The following FZD9 variants were observed in gnomAD, a reference collection of about 807,000 sequenced individuals.
The protein encoded by FZD9 is frizzled-9.
A neutral mutation model predicts 29.9 loss-of-function variants in FZD9; 29 were observed. That is an observed-to-expected ratio of 0.97 (90% CI 0.72 to 1.32). The LOEUF (loss-of-function observed/expected upper bound fraction) is 1.32. Among genes scored for constraint, FZD9 ranks in the 40% most tolerant of loss-of-function variants. FZD9 has a pLI of 0.00. For synonymous variants in FZD9, 384 were observed against 393.9 expected, an observed-to-expected ratio of 0.97 and a Z score of 0.30; for missense variants, 822 against 857.8, an observed-to-expected ratio of 0.96 and a Z score of 0.52.
Position 73,434,775 on chromosome 7 carries a change from G to A in FZD9, c.768G>A (p.Glu256=). ...TAFTVLTFLL[E]PHRFQYPERP... ...TCACTGTGCTCACCTTCTTGCTGGA[G>A]CCCCACCGCTTCCAGTACCCCGAGC... The change falls in exon 1 of 1, where the codon GAG becomes GAA. Residue 256 remains glutamate (E), a synonymous_variant. Transcript: ENST00000344575. The A allele has an allele frequency of 6.2e-7, 1 of 1,612,426 alleles. No individual in the cohort carries two copies. Among genetic ancestry groups the A allele is most frequent in the Non-Finnish European group, 8.5e-7 (1 of 1,179,974 alleles).
chr7:73,435,653 G>A lies in FZD9; in HGVS notation c.1646G>A (p.Arg549Gln). The A allele has an allele frequency of 6.2e-7, 1 of 1,613,096 alleles. No individual in the cohort carries two copies. The highest frequency in any genetic ancestry group is 8.5e-7 in the Non-Finnish European group (1 of 1,179,850). The change falls in exon 1 of 1, where the codon CGG becomes CAG. Residue 549 changes from arginine (R) to glutamine (Q), a missense_variant. Physicochemically the swap from Arg to Gln is conservative, Grantham distance 43. Coordinates refer to ENST00000344575, the MANE Select transcript of FZD9 (RefSeq NM_003508.3). ...TGCTACCGCAAGATAGCAGCTGGCC[G>A]GGCCCGGGCCAAGGCCTGCCGCGCC... ...SLCYRKIAAGRARAKACRAPG... is the reference protein window; with the variant it reads ...SLCYRKIAAGQARAKACRAPG...
chr7:73,435,129 G>C lies in FZD9; in HGVS notation c.1122G>C (p.Leu374=). The C allele has an allele frequency of 6.2e-7, 1 of 1,612,060 alleles. No homozygotes were observed. Among genetic ancestry groups the C allele is most frequent in the Non-Finnish European group, 8.5e-7 (1 of 1,179,398 alleles). Residue 374 remains leucine (L), a synonymous_variant, in exon 1 of 1, where the codon CTG becomes CTC. Transcript: ENST00000344575. The part of the protein sequence containing the change: ...GLPALKTIVI[L]TLRKVAGDEL... ...CCGCGCTCAAGACCATCGTCATCCT[G>C]ACCCTGCGCAAGGTGGCGGGTGATG... is the stretch of plus-strand genomic sequence containing the variant.
rs1554563610 is a variant in FZD9 at position 73,435,486 on chromosome 7, C to T, written c.1479C>T (p.Gly493=). The T allele has an allele frequency of 6.2e-7, 1 of 1,612,870 alleles. No individual in the cohort carries two copies. Among genetic ancestry groups the T allele is most frequent in the East Asian group, 2.2e-5 (1 of 44,878 alleles). ...QPCAAAAGPG[G]RRDCSLPGGS... ...GCGCAGCGGCCGCGGGGCCCGGAGG[C>T]CGGAGGGACTGCTCGCTGCCAGGGG... is the stretch of plus-strand genomic sequence containing the variant. The change falls in exon 1 of 1, where the codon GGC becomes GGT. Residue 493 remains glycine, a synonymous_variant. Transcript: ENST00000344575.
Position 73,433,968 on chromosome 7 carries a change from G to A in FZD9, c.-40G>A. The stretch of plus-strand genomic sequence containing the variant: ...GCGCGGGACCGCTGAGCCCGAGTGA[G>A]CCGGGGCCGCGCTCCCGCCTTCGGC... On this transcript the variant is annotated 5_prime_UTR_variant, in exon 1 of 1. Transcript: ENST00000344575. 8.6e-7 allele frequency: 1 copy of A among 1,167,592 alleles called. No homozygotes were observed. The highest frequency in any genetic ancestry group is 3.9e-5 in the East Asian group (1 of 25,442). The allele number at this position is 1,167,592 out of a possible 1,614,324, so 72.3% of individuals were successfully genotyped here. A position where few individuals can be genotyped will look rare whatever the true frequency, so the allele number is the denominator to read the frequency against.
rs1554563311 is a variant in FZD9 at position 73,434,489 on chromosome 7, C to A, written c.482C>A (p.Ala161Asp). ...LCMEAPENAT[A>D]GPAEPHKGLG... ...ATGGAGGCGCCCGAGAACGCCACGGCCGGCCCCGCGGAGCCCCACAAGGGC... is the reference window on the plus strand; with the variant it reads ...ATGGAGGCGCCCGAGAACGCCACGGACGGCCCCGCGGAGCCCCACAAGGGC... The change falls in exon 1 of 1, where the codon GCC (alanine) becomes GAC (aspartate). Residue 161 changes from alanine to aspartate, a missense_variant. By Grantham distance (126) the Ala-to-Asp change is moderately radical. Transcript: ENST00000344575. 2 of 1,479,946 alleles carry A rather than the reference C, an allele frequency of 1.4e-6. No homozygotes were observed. Among genetic ancestry groups the A allele is most frequent in the Non-Finnish European group, 1.8e-6 (2 of 1,121,766 alleles). The allele number at this position is 1,479,946 out of a possible 1,614,324, so 91.7% of individuals were successfully genotyped here.
In FZD9 at chr7:73,434,167, C is replaced by G. The variant is rs782689397; in HGVS notation, c.160C>G (p.Leu54Val). ...CATGTGCCGCGGCATCGGCTACAACCTGACCCGCATGCCCAACCTGCTGGG... is the reference window on the plus strand; with the variant it reads ...CATGTGCCGCGGCATCGGCTACAACGTGACCCGCATGCCCAACCTGCTGGG... ...IPMCRGIGYN[L>V]TRMPNLLGHT... Residue 54 changes from leucine (L) to valine (V), a missense_variant, in exon 1 of 1, where the codon CTG (leucine) becomes GTG (valine). Physicochemically the swap from Leu to Val is conservative, Grantham distance 32 (BLOSUM62 1). Transcript: ENST00000344575. 6 of 1,571,424 alleles carry G rather than the reference C, an allele frequency of 3.8e-6. No homozygotes were observed. The South Asian group carries it at 5.8e-5, about 15-fold the overall frequency.
Position 73,435,810 on chromosome 7 carries a change from G to A in FZD9, c.*27G>A, listed in dbSNP as rs1554563705. 6.5e-7 allele frequency: 1 copy of A among 1,544,200 alleles called. No individual in the cohort carries two copies. Among genetic ancestry groups the A allele is most frequent in the Non-Finnish European group, 8.7e-7 (1 of 1,143,114 alleles). Reference sequence around the variant, plus strand: ...CACACAGGCCTGGCGCGGGGTGGCTGCTGCCCCCTCCTTGCCCTCCACGCC... The same window carrying A: ...CACACAGGCCTGGCGCGGGGTGGCTACTGCCCCCTCCTTGCCCTCCACGCC... On this transcript the variant is annotated 3_prime_UTR_variant, in exon 1 of 1. Transcript: ENST00000344575.
Position 73,434,169 on chromosome 7 carries a change from G to A in FZD9, c.162G>A (p.Leu54=). Residue 54 remains leucine (L), a synonymous_variant, in exon 1 of 1, where the codon CTG becomes CTA. Coordinates refer to ENST00000344575, the MANE Select transcript of FZD9 (RefSeq NM_003508.3). ...IPMCRGIGYN[L]TRMPNLLGHT... ...TGTGCCGCGGCATCGGCTACAACCT[G>A]ACCCGCATGCCCAACCTGCTGGGCC... is the stretch of plus-strand genomic sequence containing the variant. 6.4e-7 allele frequency: 1 copy of A among 1,571,336 alleles called. No individual in the cohort carries two copies. Among genetic ancestry groups the A allele is most frequent in the Non-Finnish European group, 8.6e-7 (1 of 1,166,004 alleles).
In FZD9 at chr7:73,435,723, C is replaced by T. The variant is rs1554563693; in HGVS notation, c.1716C>T (p.Pro572=). Residue 572 remains proline, a synonymous_variant, in exon 1 of 1, where the codon CCC becomes CCT. Coordinates refer to ENST00000344575, the MANE Select transcript of FZD9 (RefSeq NM_003508.3). ...GRGTHCHYKA[P]TVVLHMTKTD... ...GCACGCACTGCCACTATAAGGCTCC[C>T]ACCGTGGTCTTGCACATGACTAAGA... 6.2e-7 allele frequency: 1 copy of T among 1,611,872 alleles called. No homozygotes were observed. The highest frequency in any genetic ancestry group is 8.5e-7 in the Non-Finnish European group (1 of 1,178,816).
At position 73,435,609 on chromosome 7, in the gene FZD9, C is replaced by A. The variant is rs782795530; in HGVS notation, c.1602C>A (p.Phe534Leu). 2 of 1,613,188 alleles carry A rather than the reference C, an allele frequency of 1.2e-6. No homozygotes were observed. The highest frequency in any genetic ancestry group is 3.3e-5 in the Admixed American group (2 of 60,032). ...TCTGGGTGTGGAGCTCCAAGACTTT[C>A]CAGACCTGGCAGAGCCTGTGCTACC... ...SGVWVWSSKT[F>L]QTWQSLCYRK... is the part of the protein sequence containing the mutation. Residue 534 changes from phenylalanine (F) to leucine (L), a missense_variant, in exon 1 of 1, where the codon TTC becomes TTA. Coordinates refer to ENST00000344575, the MANE Select transcript of FZD9 (RefSeq NM_003508.3).
Position 73,434,821 on chromosome 7 carries a change from A to G in FZD9, c.814A>G (p.Met272Val). The G allele has an allele frequency of 6.2e-7, 1 of 1,613,054 alleles. No individual in the cohort carries two copies. Among genetic ancestry groups the G allele is most frequent in the Non-Finnish European group, 8.5e-7 (1 of 1,179,940 alleles). ...YPERPIIFLS[M>V]CYNVYSLAFL... is the part of the protein sequence containing the mutation. ...CGAGCGCCCCATCATCTTCCTCTCC[A>G]TGTGCTACAACGTCTACTCGCTGGC... The change falls in exon 1 of 1, where the codon ATG (methionine) becomes GTG (valine). Residue 272 changes from methionine (M) to valine (V), a missense_variant. Met to Val is a conservative substitution (Grantham distance 21). Transcript: ENST00000344575.
chr7:73,435,316 A>G lies in FZD9; in HGVS notation c.1309A>G (p.Asn437Asp). The G allele has an allele frequency of 6.2e-7, 1 of 1,613,820 alleles. No individual in the cohort carries two copies. Among genetic ancestry groups the G allele is most frequent in the South Asian group, 1.1e-5 (1 of 91,044 alleles). ...IRKIMKTGGT[N>D]TEKLEKLMVK... ...CAAGATCATGAAGACGGGCGGCACCAACACAGAGAAGCTGGAGAAGCTCAT... is the reference window on the plus strand; with the variant it reads ...CAAGATCATGAAGACGGGCGGCACCGACACAGAGAAGCTGGAGAAGCTCAT... The change falls in exon 1 of 1, where the codon AAC becomes GAC. Residue 437 changes from asparagine to aspartate, a missense_variant. Physicochemically the swap from Asn to Asp is conservative, Grantham distance 23 (BLOSUM62 1). Coordinates refer to ENST00000344575, the MANE Select transcript of FZD9 (RefSeq NM_003508.3).
At position 73,435,966 on chromosome 7, in the gene FZD9, C is replaced by T. The variant is rs1019557484; in HGVS notation, c.*183C>T. ...TCATTAGGGGAGATGGGGGTCTCCC[C>T]TAATGCGGGGGCTGGACCAGGCTGA... On this transcript the variant is annotated 3_prime_UTR_variant, in exon 1 of 1. Transcript: ENST00000344575. The T allele has an allele frequency of 1.9e-5, 14 of 741,486 alleles. No individual in the cohort carries two copies. Among genetic ancestry groups the T allele is most frequent in the Admixed American group, 6.5e-5 (2 of 30,648 alleles). The allele number at this position is 741,486 out of a possible 1,614,324, so 45.9% of individuals were successfully genotyped here.
At position 73,434,505 on chromosome 7, in the gene FZD9, C is replaced by A; in HGVS notation, c.498C>A (p.Pro166=). The change falls in exon 1 of 1, where the codon CCC becomes CCA. Residue 166 remains proline, a synonymous_variant. Coordinates refer to ENST00000344575, the MANE Select transcript of FZD9 (RefSeq NM_003508.3). ...ACGCCACGGCCGGCCCCGCGGAGCCCCACAAGGGCCTGGGCATGCTGCCCG... is the reference window on the plus strand; with the variant it reads ...ACGCCACGGCCGGCCCCGCGGAGCCACACAAGGGCCTGGGCATGCTGCCCG... The part of the protein sequence containing the change: ...PENATAGPAE[P]HKGLGMLPVA... 6.8e-7 allele frequency: 1 copy of A among 1,467,812 alleles called. No individual in the cohort carries two copies. Among genetic ancestry groups the A allele is most frequent in the Admixed American group, 2.5e-5 (1 of 39,344 alleles). The allele number at this position is 1,467,812 out of a possible 1,614,324, so 90.9% of individuals were successfully genotyped here. A position where few individuals can be genotyped will look rare whatever the true frequency, so the allele number is the denominator to read the frequency against.
rs372342933 is a variant in FZD9, at chr7:73,434,424, C to G, written c.417C>G (p.Cys139Trp). The G allele has an allele frequency of 6.4e-7, 1 of 1,559,546 alleles. No homozygotes were observed. Residue 139 changes from cysteine (C) to tryptophan (W), a missense_variant, in exon 1 of 1, where the codon TGC (cysteine) becomes TGG (tryptophan). Cys to Trp is a radical substitution (Grantham distance 215). Transcript: ENST00000344575. ...TCGGCTGGCCGGACTCGCTCGACTGCGCCCGGCTGCCCACGCGCAACGACC... is the reference window on the plus strand; with the variant it reads ...TCGGCTGGCCGGACTCGCTCGACTGGGCCCGGCTGCCCACGCGCAACGACC... ...FNFGWPDSLD[C>W]ARLPTRNDPH...
At position 73,434,560 on chromosome 7, in the gene FZD9, G is replaced by T; in HGVS notation, c.553G>T (p.Asp185Tyr). 1 of 1,463,732 alleles carries T rather than the reference G, an allele frequency of 6.8e-7. No individual in the cohort carries two copies. The highest frequency in any genetic ancestry group is 9.0e-7 in the Non-Finnish European group (1 of 1,115,704). 90.7% of individuals were successfully genotyped at this position (1,463,732 alleles called of 1,614,324 possible). A position where few individuals can be genotyped will look rare whatever the true frequency, so the allele number is the denominator to read the frequency against. Reference sequence around the variant, plus strand: ...GCCGCGGCCCGCGCGCCCTCCCGGAGACCTGGGCCCGGGCGCGGGCGGCAG... The same window carrying T: ...GCCGCGGCCCGCGCGCCCTCCCGGATACCTGGGCCCGGGCGCGGGCGGCAG... ...VAPRPARPPG[D>Y]LGPGAGGSGT... Residue 185 changes from aspartate (D) to tyrosine (Y), a missense_variant, in exon 1 of 1, where the codon GAC becomes TAC. Physicochemically the swap from Asp to Tyr is radical, Grantham distance 160 (BLOSUM62 -3). Transcript: ENST00000344575.
At position 73,435,466 on chromosome 7, in the gene FZD9, G is replaced by A. The variant is rs782273757; in HGVS notation, c.1459G>A (p.Ala487Thr). ...TCGGGCCACAGAGCAGCCATGCGCA[G>A]CGGCCGCGGGGCCCGGAGGCCGGAG... ...RLRATEQPCA[A>T]AAGPGGRRDC... Residue 487 changes from alanine to threonine, a missense_variant, in exon 1 of 1, where the codon GCG becomes ACG. By Grantham distance (58) the Ala-to-Thr change is moderately conservative (BLOSUM62 0). Transcript: ENST00000344575. The A allele has an allele frequency of 5.0e-6, 8 of 1,613,024 alleles. No homozygotes were observed. The highest frequency in any genetic ancestry group is 5.1e-6 in the Non-Finnish European group (6 of 1,179,776).
At position 73,434,398 on chromosome 7, in the gene FZD9, T is replaced by C; in HGVS notation, c.391T>C (p.Phe131Leu). The change falls in exon 1 of 1, where the codon TTC (phenylalanine) becomes CTC (leucine). Residue 131 changes from phenylalanine to leucine, a missense_variant. Transcript: ENST00000344575. ...CGCGCCCATCATGGAGCAGTTCAAC[T>C]TCGGCTGGCCGGACTCGCTCGACTG... The part of the protein sequence containing the change: ...RCAPIMEQFN[F>L]GWPDSLDCAR... The C allele has an allele frequency of 3.8e-6, 6 of 1,576,746 alleles. No individual in the cohort carries two copies. Among genetic ancestry groups the C allele is most frequent in the Non-Finnish European group, 5.1e-6 (6 of 1,169,220 alleles).
Position 73,434,806 on chromosome 7 carries a change from A to G in FZD9, c.799A>G (p.Ile267Val), listed in dbSNP as rs1554563444. The part of the protein sequence containing the change: ...PHRFQYPERP[I>V]IFLSMCYNVY... ...CCGCTTCCAGTACCCCGAGCGCCCC[A>G]TCATCTTCCTCTCCATGTGCTACAA... Residue 267 changes from isoleucine (I) to valine (V), a missense_variant, in exon 1 of 1, where the codon ATC becomes GTC. Ile to Val is a conservative substitution (Grantham distance 29, BLOSUM62 3). Transcript: ENST00000344575. 1.2e-6 allele frequency: 2 copies of G among 1,613,028 alleles called. No homozygotes were observed. Among genetic ancestry groups the G allele is most frequent in the Non-Finnish European group, 1.7e-6 (2 of 1,179,936 alleles).
Sources: gnomAD v4.1 joint callset for allele counts on GRCh38, gnomAD v4.1.1 for gene constraint, MANE v1.5 for transcripts, NCBI Gene and HGNC (gene_info 2026-07-23, HGNC 2026-07-21) for gene names.